SRGAP3: variants seen among roughly 807,000 people sequenced by gnomAD.
The protein encoded by SRGAP3 is SLIT-ROBO Rho GTPase-activating protein 3.
A neutral mutation model predicts 121.1 loss-of-function variants in SRGAP3; 39 were observed. The observed-to-expected ratio is 0.32, with a 90% CI of 0.25 to 0.42. The LOEUF is 0.42. Among genes scored for constraint, SRGAP3 ranks in the 10% least tolerant of loss-of-function variants. SRGAP3 has a pLI of 1.00. For synonymous variants in SRGAP3, 601 were observed against 570.0 expected (o/e 1.05, Z -0.77); for missense variants, 1,213 against 1,470.6 (o/e 0.82, Z 2.86).
At chr3:9,259,571 A>C (rs1319727665) in intron 3 of SRGAP3, among the ~76,000 whole-genome samples, 2 of 152,114 alleles carry the variant, frequency 1.3e-5, no homozygotes, top group African/African-American at 4.8e-5. Flanking sequence ...GGCCTCCAAA[A>C]TGTTGGGATT....
chr3:9,113,368 C>T (rs1035442191), intron 2 of SRGAP3, among the ~76,000 whole-genome samples: 3 of 152,156 alleles, frequency 2.0e-5, no homozygotes, highest in Non-Finnish European at 4.4e-5. Context: ...CACAGCACCC[C>T]AATCTTTGCC....
chr3:9,315,991 A>C (rs978245394), intron 3 of SRGAP3, among the ~76,000 whole-genome samples: 1 of 152,232 alleles, frequency 6.6e-6, no homozygotes, highest in Non-Finnish European at 1.5e-5. Flanking sequence ...ACTTCACGAA[A>C]GTGGATCACA....
At chr3:9,187,500 C>T (rs921791186) in intron 1 of SRGAP3, among the ~76,000 whole-genome samples, 1 of 152,156 alleles carries the variant, frequency 6.6e-6, no homozygotes, top group Non-Finnish European at 1.5e-5. Context: ...TCTTCACCAA[C>T]CTCCTAATCA....
chr3:9,083,981 G>A (rs987055572), intron 3 of SRGAP3, among the ~76,000 whole-genome samples: 6 of 152,180 alleles, frequency 3.9e-5, no homozygotes, highest in Middle Eastern at 3.4e-3. Flanking sequence ...CCTCATCCCC[G>A]CAAACTCAAA....
At chr3:9,129,848 A>G (rs2125001515) in intron 1 of SRGAP3, among the ~76,000 whole-genome samples, 1 of 151,520 alleles carries the variant, frequency 6.6e-6, no homozygotes, top group East Asian at 2.0e-4. Context: ...TGCAACCTCC[A>G]TCTCCCAGGT....
At chr3:9,014,589 AAGTGATAC>A (rs1943539486) in intron 15 of SRGAP3, among the ~76,000 whole-genome samples, 2 of 152,308 alleles carry the variant, frequency 1.3e-5, no homozygotes, top group Admixed American at 6.5e-5. Context: ...CTGGCTGAGC[AAGTGATAC>A]AGGGCTCAGA....
intron 3 of SRGAP3, among the ~76,000 whole-genome samples, chr3:9,292,208 G>C (rs1366584823): frequency 6.6e-6 from 1 of 152,226 alleles, no homozygotes; most frequent in Non-Finnish European, 1.5e-5. Context: ...ATCCCCCAGA[G>C]GGCCCGTTAG....
rs559838998 is a variant in SRGAP3, at chr3:9,185,764, T to C, written c.68-60847A>G. 2.0e-5 allele frequency among the ~76,000 whole-genome samples: 3 copies of C among 152,172 alleles called. No homozygotes were observed. In the South Asian group the frequency reaches 6.2e-4, roughly 32 times the overall value. Reference sequence around the variant, plus strand: ...GTTGCTCAGGCTGGTCTCAAACTCCTGGGCGTAAGTGATCCTCCCACCTCG... The same window carrying C: ...GTTGCTCAGGCTGGTCTCAAACTCCCGGGCGTAAGTGATCCTCCCACCTCG... On this transcript the variant is annotated intron_variant, in intron 1 of 21. Transcript: ENST00000383836.
intron 4 of SRGAP3, among the ~76,000 whole-genome samples, chr3:9,070,152 T>C (rs931592620): frequency 6.6e-6 from 1 of 152,244 alleles, no homozygotes; most frequent in Admixed American, 6.5e-5. Context: ...AAGTGTTATC[T>C]GTACCATCTT....
chr3:9,048,158 A>C (rs1386886750), intron 9 of SRGAP3, among the ~76,000 whole-genome samples: 1 of 152,264 alleles, frequency 6.6e-6, no homozygotes, highest in Non-Finnish European at 1.5e-5. Context: ...TCTGGCCCAG[A>C]GCAGTGCACC....
At chr3:9,050,012 G>A (rs927238163) in intron 9 of SRGAP3, among the ~76,000 whole-genome samples, 1 of 152,110 alleles carries the variant, frequency 6.6e-6, no homozygotes, top group African/African-American at 2.4e-5. Flanking sequence ...GCTAATTTTT[G>A]TATTTCTTGT....
chr3:9,059,293 G>A (rs1946000827), intron 6 of SRGAP3: 1 of 152,276 alleles, frequency 6.6e-6, no homozygotes, highest in South Asian at 2.1e-4. Flanking sequence ...AACAGCAGGT[G>A]CTCAATTAAT....
chr3:9,260,905 G>A (rs969048997), intron 3 of SRGAP3, among the ~76,000 whole-genome samples: 2 of 152,222 alleles, frequency 1.3e-5, no homozygotes, highest in South Asian at 4.1e-4. Flanking sequence ...CTCCTGACGG[G>A]GAGACACCTC....
intron 3 of SRGAP3, among the ~76,000 whole-genome samples, chr3:9,265,491 T>C (rs2125257916): frequency 6.6e-6 from 1 of 151,984 alleles, no homozygotes; most frequent in South Asian, 2.1e-4. Flanking sequence ...AAAGGGCTAA[T>C]ATCCAGAATC....
At chr3:9,302,210 TC>T (rs1955071055) in intron 3 of SRGAP3, among the ~76,000 whole-genome samples, 1 of 152,126 alleles carries the variant, frequency 6.6e-6, no homozygotes, top group Non-Finnish European at 1.5e-5. Context: ...GCCAAGGGTT[TC>T]CGCGAAGGCA....
chr3:9,027,111 G>A (rs1365565262), intron 12 of SRGAP3, 116 bp from the exon 13 acceptor site: 11 of 961,146 alleles, frequency 1.1e-5, no homozygotes, highest in Admixed American at 5.2e-5. Context: ...AGATTAGTAG[G>A]AAAACAAGCA....
chr3:9,246,178 A>G (rs979973041), intron 1 of SRGAP3, among the ~76,000 whole-genome samples: 1 of 152,226 alleles, frequency 6.6e-6, no homozygotes, highest in Non-Finnish European at 1.5e-5. Flanking sequence ...AAGACATAAA[A>G]GGGAACAAGT....
chr3:9,345,481 CA>C (rs539784490), intron 1 of SRGAP3, among the ~76,000 whole-genome samples: 20 of 142,652 alleles, frequency 1.4e-4, no homozygotes, highest in Non-Finnish European at 1.1e-4. Flanking sequence ...GACCCCATCT[CA>C]AAAAAAAAAG....
chr3:8,999,027 T>C (rs1345681345), intron 18 of SRGAP3, among the ~76,000 whole-genome samples: 1 of 152,200 alleles, frequency 6.6e-6, no homozygotes, highest in African/African-American at 2.4e-5. Context: ...ATCTGTACAG[T>C]GTAAATTGAC....
Sources: gnomAD v4.1 joint callset for allele counts (sites outside exome capture counted in the v4.1 genomes callset) on GRCh38, gnomAD v4.1.1 for gene constraint, MANE v1.5 for transcripts, NCBI Gene and HGNC (gene_info 2026-07-23, HGNC 2026-07-21) for gene names.